The following IDH3B variants were observed in gnomAD, a reference collection of about 807,000 sequenced individuals.
IDH3B encodes the protein isocitrate dehydrogenase (NAD(+)) 3 non-catalytic subunit beta, also known as isocitrate dehydrogenase [NAD] subunit beta, mitochondrial.
In IDH3B, 40 loss-of-function variants were observed where a neutral mutation model predicts 47.5. The ratio of observed to expected loss-of-function variants is 0.84; its 90% CI spans 0.65 to 1.10. The LOEUF (loss-of-function observed/expected upper bound fraction) is 1.10. Ranked by LOEUF, IDH3B falls within the 50% of genes least tolerant of loss-of-function variation. The probability of loss-of-function intolerance (pLI) is 0.00; values close to 1 mark genes in which losing one functional copy is unlikely to be tolerated. For synonymous variants in IDH3B, 185 were observed against 191.0 expected (o/e 0.97, Z 0.26); for missense variants, 450 against 505.2 (o/e 0.89, Z 1.05).
At position 2,660,288 on chromosome 20, in the gene IDH3B, ATT is replaced by A; in HGVS notation, c.741_742del (p.Met248AspfsTer17). On this transcript the variant is annotated frameshift_variant, in exon 8 of 12. Coordinates refer to ENST00000380843, the MANE Select transcript of IDH3B (RefSeq NM_006899.5). LOFTEE classifies it high-confidence loss of function. The surrounding 1 kb of genome is among the most constrained non-coding windows in gnomAD (Gnocchi z 5.6). ...CTGCATGCAGCAGTTGTCTATGATC[ATT>A]GTCTCAAATTTGATTTTGGGGTACA... The A allele has an allele frequency of 1.2e-6, 2 of 1,614,090 alleles. No homozygotes were observed. Among genetic ancestry groups the A allele is most frequent in the Middle Eastern group, 1.6e-4 (1 of 6,062 alleles).
chr20:2,658,533 G>T lies in IDH3B; in HGVS notation c.*218C>A, dbSNP rs769698434. The T allele has an allele frequency of 5.0e-6, 8 of 1,613,810 alleles. No individual in the cohort carries two copies. In the Admixed American group the frequency reaches 5.0e-5, roughly 10 times the overall value. ...GTCAGAGGTTCGAACCTGTGGGGGA[G>T]AATCATCATCATCCATGTGGCCTGG... On this transcript the variant is annotated 3_prime_UTR_variant, in exon 12 of 12. Transcript: ENST00000380843.
Position 2,658,565 on chromosome 20 carries a change from T to A in IDH3B, c.*186A>T. The stretch of plus-strand genomic sequence containing the variant: ...CATCATCCATGTGGCCTGGGCTCCA[T>A]CCTAACAATCCCCATCACCACCCAA... On this transcript the variant is annotated 3_prime_UTR_variant, in exon 12 of 12. Transcript: ENST00000380843. 1 of 1,612,648 alleles carries A rather than the reference T, an allele frequency of 6.2e-7. No individual in the cohort carries two copies.
At chr20:2,658,905 T>A (rs1176680957) in intron 11 of IDH3B, 68 bp from the exon 12 acceptor site, 1 of 1,605,302 alleles carries the variant, frequency 6.2e-7, no homozygotes, top group East Asian at 2.2e-5. Flanking sequence ...GGTAGGGCAA[T>A]GTGATTGAGG....
At chr20:2,661,145 T>C (rs1427375962) in intron 4 of IDH3B, among the ~76,000 whole-genome samples, 176 bp from the exon 5 acceptor site, 3 of 151,912 alleles carry the variant, frequency 2.0e-5, no homozygotes, top group Non-Finnish European at 4.4e-5. Flanking sequence ...ATAATGTAGT[T>C]AAAGCCAGAA....
Position 2,658,560 on chromosome 20 carries a change from C to T in IDH3B, c.*191G>A, listed in dbSNP as rs1260227861. The T allele has an allele frequency of 6.2e-7, 1 of 1,612,964 alleles. No individual in the cohort carries two copies. The highest frequency in any genetic ancestry group is 8.5e-7 in the Non-Finnish European group (1 of 1,179,466). On this transcript the variant is annotated 3_prime_UTR_variant, in exon 12 of 12. Coordinates refer to ENST00000380843, the MANE Select transcript of IDH3B (RefSeq NM_006899.5). The stretch of plus-strand genomic sequence containing the variant: ...ATCATCATCATCCATGTGGCCTGGG[C>T]TCCATCCTAACAATCCCCATCACCA...
In IDH3B at chr20:2,660,120, G is replaced by A. The variant is rs1176920825; in HGVS notation, c.825C>T (p.Asn275=). 5 of 1,614,122 alleles carry A rather than the reference G, an allele frequency of 3.1e-6. No individual in the cohort carries two copies. The highest frequency in any genetic ancestry group is 2.2e-5 in the East Asian group (1 of 44,884). Residue 275 remains asparagine (N), a synonymous_variant, in exon 9 of 12, where the codon AAC becomes AAT. Transcript: ENST00000380843. The surrounding 1 kb of genome is among the most constrained non-coding windows in gnomAD (Gnocchi z 5.6). ...DVLVMPNLYG[N]IIDNLAAGLV... ...GGCCAGCAGCCAGATTGTCAATAAT[G>A]TTCCCATAGAGATTGGGCATCACAA...
At chr20:2,659,985 C>A (rs370512508) in intron 9 of IDH3B, 45 bp downstream of exon 9, 1 of 1,612,578 alleles carries the variant, frequency 6.2e-7, no homozygotes, top group African/African-American at 1.3e-5. Context: ...AGAGGAATGG[C>A]GGACTTGAGG....
chr20:2,659,416 A>G (rs2086893304), intron 11 of IDH3B, 109 bp downstream of exon 11: 1 of 1,533,782 alleles, frequency 6.5e-7, no homozygotes, highest in South Asian at 1.1e-5. Flanking sequence ...TGTTCTGGGG[A>G]CCTGGGGGGA....
At chr20:2,661,905 ATTAAG>A (rs2086955023) in intron 4 of IDH3B, among the ~76,000 whole-genome samples, 1 of 152,250 alleles carries the variant, frequency 6.6e-6, no homozygotes, top group Non-Finnish European at 1.5e-5. Flanking sequence ...TGCAGATGTA[ATTAAG>A]TTAAGGATCT....
intron 4 of IDH3B, among the ~76,000 whole-genome samples, chr20:2,661,430 T>G (rs1330766613): frequency 6.6e-6 from 1 of 152,224 alleles, no homozygotes; most frequent in Non-Finnish European, 1.5e-5. Context: ...ACTCCTGACC[T>G]CAAGTGATCC....
chr20:2,663,137 G>C (rs2086978291), intron 4 of IDH3B, among the ~76,000 whole-genome samples: 2 of 145,298 alleles, frequency 1.4e-5, no homozygotes, highest in Admixed American at 6.7e-5. Flanking sequence ...GAGGAAGGAA[G>C]GGAGGGGAAA....
chr20:2,663,462 G>A lies in IDH3B; in HGVS notation c.321C>T (p.Asn107=). ...LEQVLSSMKE[N]KVAIIGKIHT... ...CACACATACCAATGATGGCCACTTTGTTCTCCTTCATGGAACTCAGCACCT... is the reference window on the plus strand; with the variant it reads ...CACACATACCAATGATGGCCACTTTATTCTCCTTCATGGAACTCAGCACCT... The change falls in exon 4 of 12, where the codon AAC becomes AAT. Residue 107 remains asparagine, a synonymous_variant. Transcript: ENST00000380843. The A allele has an allele frequency of 6.2e-7, 1 of 1,614,208 alleles. No homozygotes were observed. Among genetic ancestry groups the A allele is most frequent in the Admixed American group, 1.7e-5 (1 of 60,030 alleles).
At chr20:2,659,176 G>C (rs756715020) in intron 11 of IDH3B, 1 of 1,195,170 alleles carries the variant, frequency 8.4e-7, no homozygotes, top group East Asian at 3.7e-5. Flanking sequence ...GAGATGGGGC[G>C]TGAAGGTGAA....
At chr20:2,663,837 A>G in intron 2 of IDH3B, 79 bp from the exon 3 acceptor site, 1 of 1,591,984 alleles carries the variant, frequency 6.3e-7, no homozygotes, top group East Asian at 2.2e-5. Context: ...AAGTAGGGAG[A>G]CCCGGGAGGG....
In IDH3B at chr20:2,659,456, G is replaced by A. The variant is rs2235955; in HGVS notation, c.1071+69C>T. 0.28 allele frequency: 438,753 copies of A among 1,556,452 alleles called. 66,887 individuals carry two copies. Among genetic ancestry groups the A allele is most frequent in the African/African-American group, 0.57 (42,114 of 73,668 alleles). On this transcript the variant is annotated intron_variant, in intron 11 of 11. Coordinates refer to ENST00000380843, the MANE Select transcript of IDH3B (RefSeq NM_006899.5). ...AGACCCCCATTCAGGTTCCCCAGAG[G>A]GTAGTGCCGAGGTGCTGACACCAGA...
intron 11 of IDH3B, chr20:2,659,193 G>A (rs1469985968): frequency 7.0e-7 from 1 of 1,436,030 alleles, no homozygotes; most frequent in Non-Finnish European, 9.1e-7. Flanking sequence ...TGAAGCTGAT[G>A]CTTCAGCCTG....
rs755638920 is a variant in IDH3B, at chr20:2,658,853, GC to G, written c.1072-17del. The G allele has an allele frequency of 6.2e-7, 1 of 1,614,100 alleles. No homozygotes were observed. Among genetic ancestry groups the G allele is most frequent in the East Asian group, 2.2e-5 (1 of 44,882 alleles). On this transcript the variant is annotated splice_polypyrimidine_tract_variant and intron_variant, in intron 11 of 11. Coordinates refer to ENST00000380843, the MANE Select transcript of IDH3B (RefSeq NM_006899.5). The stretch of plus-strand genomic sequence containing the variant: ...GAGTCCGCACCTACAGCCACCACCG[GC>G]AACAGCCGTGGGGAGGGAGAAAAGA...
intron 4 of IDH3B, among the ~76,000 whole-genome samples, chr20:2,661,177 CTGTG>C (rs71329398): frequency 1.5e-4 from 22 of 150,046 alleles, no homozygotes; most frequent in South Asian, 6.3e-4. Context: ...ATTGCATTTT[CTGTG>C]TGTGTGTGTG....
Position 2,659,605 on chromosome 20 carries a change from G to A in IDH3B, c.1011-20C>T. 6.2e-7 allele frequency: 1 copy of A among 1,613,868 alleles called. No homozygotes were observed. The highest frequency in any genetic ancestry group is 8.5e-7 in the Non-Finnish European group (1 of 1,179,714). On this transcript the variant is annotated intron_variant, in intron 10 of 11. Coordinates refer to ENST00000380843, the MANE Select transcript of IDH3B (RefSeq NM_006899.5). ...TCAAGACTGTGGATATGGACAGGAA[G>A]AAACTGTGACTCCCCCAAGACACCT...
Sources: allele counts gnomAD v4.1 joint callset (sites outside exome capture counted in the v4.1 genomes callset), GRCh38; gene constraint gnomAD v4.1.1; non-coding constraint Gnocchi (gnomAD v3.1); transcripts MANE v1.5; gene names NCBI Gene and HGNC (gene_info 2026-07-23, HGNC 2026-07-21).